GABRA3: variants seen among roughly 807,000 people sequenced by gnomAD.
The protein encoded by GABRA3 is gamma-aminobutyric acid receptor subunit alpha-3.
In GABRA3, 10 loss-of-function variants were observed where a neutral mutation model predicts 30.1. The ratio of observed to expected loss-of-function variants is 0.33; its 90% CI spans 0.20 to 0.56. GABRA3 has a LOEUF of 0.56. Among genes scored for constraint, GABRA3 ranks in the 20% least tolerant of loss-of-function variants. The probability of loss-of-function intolerance (pLI) is 0.89; values close to 1 mark genes in which losing one functional copy is unlikely to be tolerated. For missense variants in GABRA3, 233 were observed against 392.0 expected (o/e 0.59, Z 3.42); for synonymous variants, 151 against 146.8 (o/e 1.03, Z -0.21).
At chrX:152,320,704 C>T in intron 3 of GABRA3, among the ~76,000 whole-genome samples, 1 of 111,122 alleles carries the variant, frequency 9.0e-6, no homozygotes, top group East Asian at 2.8e-4. Flanking sequence ...ACCACCTGTT[C>T]CCCCAAAGCC....
intron 1 of GABRA3, among the ~76,000 whole-genome samples, chrX:152,450,387 G>A (rs1250576730): frequency 9.5e-6 from 1 of 105,505 alleles, no homozygotes; most frequent in African/African-American, 3.5e-5. Context: ...TGAGTGAGAT[G>A]GGGTGGGGTA....
At chrX:152,342,062 G>A (rs1008771940) in intron 3 of GABRA3, among the ~76,000 whole-genome samples, 1 of 110,976 alleles carries the variant, frequency 9.0e-6, no homozygotes, top group Non-Finnish European at 1.9e-5. Flanking sequence ...TAGTAGAGAC[G>A]GGGCTTCATC....
At chrX:152,268,755 A>G (rs1938874029) in intron 4 of GABRA3, among the ~76,000 whole-genome samples, 1 of 111,226 alleles carries the variant, frequency 9.0e-6, no homozygotes, top group African/African-American at 3.3e-5. Context: ...TTTTGTGTAG[A>G]GATGAGGTTT....
intron 9 of GABRA3, among the ~76,000 whole-genome samples, chrX:152,182,643 AC>A (rs1372436935): frequency 2.4e-5 from 2 of 84,147 alleles, no homozygotes; most frequent in Non-Finnish European, 4.4e-5. Context: ...CTATATATAC[AC>A]TATATATACA....
chrX:152,275,471 A>ATATT (rs1348482881), intron 4 of GABRA3, among the ~76,000 whole-genome samples: 6 of 106,165 alleles, frequency 5.7e-5, no homozygotes, highest in African/African-American at 1.7e-4. Flanking sequence ...TATCAAATAA[A>ATATT]TAGAGCTGGC....
intron 2 of GABRA3, among the ~76,000 whole-genome samples, chrX:152,358,687 G>A (rs1457395698): frequency 9.0e-6 from 1 of 111,370 alleles, no homozygotes; most frequent in Non-Finnish European, 1.9e-5. Flanking sequence ...TTTTTTCACA[G>A]ATAGTCCTTA....
chrX:152,233,349 T>C (rs1245519330), intron 5 of GABRA3, among the ~76,000 whole-genome samples: 1 of 111,299 alleles, frequency 9.0e-6, no homozygotes, highest in Non-Finnish European at 1.9e-5. Context: ...TTTGTTGCCA[T>C]TGCTTTTGGT....
Position 152,167,325 on chromosome X carries a change from C to T in GABRA3, c.*903G>A, listed in dbSNP as rs1044310609. On this transcript the variant is annotated 3_prime_UTR_variant, in exon 10 of 10. Coordinates refer to ENST00000370314, the MANE Select transcript of GABRA3 (RefSeq NM_000808.4). ...GCTAGTTGCCTTGGCAGGGAGGTGA[C>T]TTTTGTATCTCTCCCATATTTTAAA... The T allele has an allele frequency of 8.9e-6, 1 of 112,124 alleles. No individual in the cohort carries two copies. The highest frequency in any genetic ancestry group is 1.9e-5 in the Non-Finnish European group (1 of 53,276). The allele number at this position is 112,124 out of a possible 1,213,427, so 9.2% of individuals were successfully genotyped here.
intron 6 of GABRA3, among the ~76,000 whole-genome samples, chrX:152,223,373 T>A (rs1423770717): frequency 8.9e-6 from 1 of 112,062 alleles, no homozygotes; most frequent in African/African-American, 3.2e-5. Context: ...TTATATCATT[T>A]TAAAAATTCC....
chrX:152,403,570 G>A (rs1246366231), intron 1 of GABRA3, among the ~76,000 whole-genome samples: 1 of 12,219 alleles, frequency 8.2e-5, no homozygotes, highest in African/African-American at 1.0e-4. Flanking sequence ...ATGTGCACAC[G>A]TGTGTGTGTG....
intron 1 of GABRA3, among the ~76,000 whole-genome samples, chrX:152,416,143 C>A (rs1198324549): frequency 1.2e-4 from 12 of 100,476 alleles, no homozygotes; most frequent in East Asian, 3.1e-4. Context: ...AGCCCAAAAT[C>A]TCCTTAAGCT....
chrX:152,295,756 C>A (rs142970423), intron 3 of GABRA3, among the ~76,000 whole-genome samples: 2 of 112,194 alleles, frequency 1.8e-5, no homozygotes, highest in Admixed American at 9.4e-5. Context: ...GTTTGAAATG[C>A]GGAAATCACC....
chrX:152,366,379 A>C (rs1388835774), intron 1 of GABRA3, among the ~76,000 whole-genome samples: 1 of 111,867 alleles, frequency 8.9e-6, no homozygotes, highest in African/African-American at 3.2e-5. Context: ...ACATGAGTCC[A>C]TGAGTAACAA....
chrX:152,344,751 G>A (rs1261780267), intron 3 of GABRA3, among the ~76,000 whole-genome samples: 2 of 111,362 alleles, frequency 1.8e-5, no homozygotes, highest in Non-Finnish European at 3.8e-5. Flanking sequence ...AATAAATATG[G>A]AAGATTTAAT....
intron 1 of GABRA3, among the ~76,000 whole-genome samples, chrX:152,447,390 C>T (rs1931114451): frequency 8.9e-6 from 1 of 111,757 alleles, no homozygotes; most frequent in East Asian, 2.8e-4. Flanking sequence ...GTCAAGTTGG[C>T]TTTCTATCCA....
At chrX:152,237,910 T>C (rs959705458) in intron 5 of GABRA3, among the ~76,000 whole-genome samples, 1 of 110,777 alleles carries the variant, frequency 9.0e-6, no homozygotes, top group Non-Finnish European at 1.9e-5. Context: ...AATGGGGTTT[T>C]CTAGATATAC....
chrX:152,244,410 G>A (rs778957011), intron 5 of GABRA3, among the ~76,000 whole-genome samples: 2 of 111,868 alleles, frequency 1.8e-5, no homozygotes, highest in East Asian at 5.6e-4. Context: ...CTTGAATGGG[G>A]TTACTGGCCC....
chrX:152,355,213 A>T (rs1263186707), intron 2 of GABRA3, among the ~76,000 whole-genome samples: 2 of 111,218 alleles, frequency 1.8e-5, no homozygotes, highest in African/African-American at 6.5e-5. Flanking sequence ...ATATAGTGTC[A>T]TATTCCTCCC....
intron 2 of GABRA3, among the ~76,000 whole-genome samples, chrX:152,346,609 A>G (rs7882928): frequency 0.12 from 13,578 of 111,648 alleles, 681 homozygotes; most frequent in African/African-American, 0.18. Flanking sequence ...AGAATTAATA[A>G]CCAGAATAGA....
Sources: allele counts gnomAD v4.1 joint callset (sites outside exome capture counted in the v4.1 genomes callset), GRCh38; gene constraint gnomAD v4.1.1; transcripts MANE v1.5; gene names NCBI Gene and HGNC (gene_info 2026-07-23, HGNC 2026-07-21).